COX7B2: variants seen among roughly 807,000 people sequenced by gnomAD.
The protein encoded by COX7B2 is cytochrome c oxidase subunit 7B2, mitochondrial.
For missense variants in COX7B2, 109 were observed against 95.9 expected, an observed-to-expected ratio of 1.14 and a Z score of -0.57; for synonymous variants, 37 against 32.1, an observed-to-expected ratio of 1.15 and a Z score of -0.51.
At chr4:46,750,215 C>CACACACACACAT (rs1715273294) in intron 2 of COX7B2, among the ~76,000 whole-genome samples, 1 of 149,656 alleles carries the variant, frequency 6.7e-6, no homozygotes, top group Non-Finnish European at 1.5e-5. Context: ...CACACACACA[C>CACACACACACAT]ACACACACAC....
At chr4:46,802,147 T>C (rs1411265982) in intron 2 of COX7B2, among the ~76,000 whole-genome samples, 1 of 152,056 alleles carries the variant, frequency 6.6e-6, no homozygotes, top group Non-Finnish European at 1.5e-5. Flanking sequence ...GTGATCAAAA[T>C]AATTCAAAAA....
chr4:46,767,636 A>G lies in COX7B2; in HGVS notation c.-49-32395T>C, dbSNP rs188498171. Among the ~76,000 whole-genome samples the G allele has an allele frequency of 1.9e-3, 282 of 152,342 alleles. 1 individual carries two copies. The Middle Eastern group carries it at 0.02, about 11-fold the overall frequency. On this transcript the variant is annotated intron_variant, in intron 2 of 2. Coordinates refer to ENST00000355591, the MANE Select transcript of COX7B2 (RefSeq NM_130902.3). ...TCTCAACAAATTTAAGAAGACTAAA[A>G]TCATATAAAATATATTTTCCTATCA...
chr4:46,759,958 G>A (rs898714904), intron 2 of COX7B2, among the ~76,000 whole-genome samples: 1 of 150,944 alleles, frequency 6.6e-6, no homozygotes, highest in Non-Finnish European at 1.5e-5. Context: ...TCTTATATAA[G>A]TTATATACGC....
At chr4:46,825,247 C>T (rs1450999090) in intron 2 of COX7B2, among the ~76,000 whole-genome samples, 4 of 151,694 alleles carry the variant, frequency 2.6e-5, no homozygotes, top group African/African-American at 4.8e-5. Context: ...ACAGCCAAAC[C>T]GAGAGCCACA....
intron 2 of COX7B2, among the ~76,000 whole-genome samples, chr4:46,823,790 C>T (rs551148693): frequency 6.6e-5 from 10 of 150,552 alleles, no homozygotes; most frequent in African/African-American, 2.2e-4. Flanking sequence ...CAGAAAACAA[C>T]AGACAAAAAT....
At chr4:46,771,199 G>T (rs543391480) in intron 2 of COX7B2, among the ~76,000 whole-genome samples, 1 of 152,188 alleles carries the variant, frequency 6.6e-6, no homozygotes, top group Non-Finnish European at 1.5e-5. Context: ...CTGCTAACGC[G>T]TGTATGGAAA....
chr4:46,763,011 TTATAATA>T lies in COX7B2; in HGVS notation c.-49-27777_-49-27771del, dbSNP rs1047814900. Among the ~76,000 whole-genome samples the T allele has an allele frequency of 4.4e-4, 57 of 130,082 alleles. No homozygotes were observed. The East Asian group carries it at 9.7e-3, about 22-fold the overall frequency. 85.3% of individuals were successfully genotyped at this position (130,082 alleles called of 152,430 possible). On this transcript the variant is annotated intron_variant, in intron 2 of 2. Transcript: ENST00000355591. ...TAATATGTATATTAAATATACATAA[TTATAATA>T]TATAATATAATATAATATATATTAT...
intron 2 of COX7B2, among the ~76,000 whole-genome samples, chr4:46,748,122 A>T (rs1434940396): frequency 6.6e-6 from 1 of 152,216 alleles, no homozygotes; most frequent in African/African-American, 2.4e-5. Context: ...TCTTGGAACC[A>T]ATACTGGCCA....
chr4:46,760,619 G>C (rs1454118426), intron 2 of COX7B2, among the ~76,000 whole-genome samples: 1 of 152,076 alleles, frequency 6.6e-6, no homozygotes, highest in African/African-American at 2.4e-5. Context: ...ATGATGGGTT[G>C]ATGGGTGCAG....
intron 1 of COX7B2, among the ~76,000 whole-genome samples, chr4:46,880,588 C>T (rs575221829): frequency 9.2e-5 from 14 of 151,558 alleles, no homozygotes; most frequent in African/African-American, 2.7e-4. Flanking sequence ...ATAAGGTGTT[C>T]GTAGTAGTTT....
intron 1 of COX7B2, among the ~76,000 whole-genome samples, chr4:46,870,219 A>G (rs1350447841): frequency 6.6e-6 from 1 of 152,160 alleles, no homozygotes; most frequent in East Asian, 1.9e-4. Context: ...ACATAAAAAA[A>G]CTAAGGACAA....
At chr4:46,828,520 T>C (rs555610036) in intron 2 of COX7B2, among the ~76,000 whole-genome samples, 13 of 152,130 alleles carry the variant, frequency 8.5e-5, no homozygotes, top group Non-Finnish European at 1.8e-4. Context: ...GTAAAAATTA[T>C]ATGTGCAAGT....
At chr4:46,752,200 C>G (rs549210473) in intron 2 of COX7B2, among the ~76,000 whole-genome samples, 18 of 152,146 alleles carry the variant, frequency 1.2e-4, no homozygotes, top group African/African-American at 4.3e-4. Context: ...GGAGTTCACT[C>G]ATGATTTCAC....
intron 1 of COX7B2, among the ~76,000 whole-genome samples, chr4:46,867,182 T>C (rs79387963): frequency 5.3e-5 from 8 of 152,254 alleles, no homozygotes; most frequent in Non-Finnish European, 1.2e-4. Flanking sequence ...CCTCCTTACA[T>C]CAGATAACCA....
At chr4:46,809,316 T>A (rs574217895) in intron 2 of COX7B2, among the ~76,000 whole-genome samples, 55 of 151,932 alleles carry the variant, frequency 3.6e-4, no homozygotes, top group Admixed American at 3.5e-3. Context: ...ATTATTGATT[T>A]CCTTCTTCTA....
chr4:46,860,832 C>T (rs1717294140), intron 1 of COX7B2, among the ~76,000 whole-genome samples: 1 of 152,122 alleles, frequency 6.6e-6, no homozygotes, highest in Admixed American at 6.5e-5. Flanking sequence ...GTGAGAGGTC[C>T]CCTGTTGTGA....
chr4:46,839,988 C>T (rs966016268), intron 2 of COX7B2, among the ~76,000 whole-genome samples: 5 of 151,980 alleles, frequency 3.3e-5, no homozygotes, highest in African/African-American at 1.2e-4. Context: ...ACAATTGATG[C>T]AACAGTAAAC....
chr4:46,827,963 A>T (rs1044451744), intron 2 of COX7B2, among the ~76,000 whole-genome samples: 1 of 152,170 alleles, frequency 6.6e-6, no homozygotes, highest in Non-Finnish European at 1.5e-5. Flanking sequence ...AAAAGGTCAC[A>T]AGAAAACTTT....
chr4:46,823,451 A>G (rs1238297261), intron 2 of COX7B2, among the ~76,000 whole-genome samples: 1 of 151,700 alleles, frequency 6.6e-6, no homozygotes, highest in Non-Finnish European at 1.5e-5. Context: ...CTATGAATCA[A>G]TAACAGAAAG....
Sources: gnomAD v4.1 joint callset for allele counts (sites outside exome capture counted in the v4.1 genomes callset) on GRCh38, gnomAD v4.1.1 for gene constraint, MANE v1.5 for transcripts, NCBI Gene and HGNC (gene_info 2026-07-23, HGNC 2026-07-21) for gene names.